Variants in DNM3 observed in about 807,000 individuals in gnomAD.
DNM3 encodes the protein dynamin-3.
In DNM3, 47 loss-of-function variants were observed where a neutral mutation model predicts 101.6. The ratio of observed to expected loss-of-function variants is 0.46; its 90% CI spans 0.37 to 0.59. The LOEUF (loss-of-function observed/expected upper bound fraction) is 0.59, where lower values mean the gene tolerates loss of function less well. Ranked by LOEUF, DNM3 falls within the 20% of genes least tolerant of loss-of-function variation. DNM3 has a pLI of 0.00. For missense variants in DNM3, 849 were observed against 1,085.7 expected, an observed-to-expected ratio of 0.78 and a Z score of 3.06; for synonymous variants, 385 against 387.9, an observed-to-expected ratio of 0.99 and a Z score of 0.09.
chr1:172,191,644 A>G (rs2059728161), intron 14 of DNM3, among the ~76,000 whole-genome samples: 1 of 152,202 alleles, frequency 6.6e-6, no homozygotes, highest in Non-Finnish European at 1.5e-5. Context: ...CTTGCTATCC[A>G]TGAGCATGGA....
intron 10 of DNM3, among the ~76,000 whole-genome samples, chr1:172,068,451 C>T (rs1424095296): frequency 3.9e-5 from 6 of 152,198 alleles, no homozygotes; most frequent in African/African-American, 1.4e-4. Context: ...ACGTGGTAGA[C>T]ACTATATAAA....
In DNM3 at chr1:171,949,233, T is replaced by C. The variant is rs150186535; in HGVS notation, c.235+27412T>C. ...TTCTAGTTTAAGCTCAGTATATAAATAGAAATGTTAGGCCTGGGTTCTTCC... is the reference window on the plus strand; with the variant it reads ...TTCTAGTTTAAGCTCAGTATATAAACAGAAATGTTAGGCCTGGGTTCTTCC... On this transcript the variant is annotated intron_variant, in intron 2 of 20. Coordinates refer to ENST00000627582, the MANE Select transcript of DNM3 (RefSeq NM_015569.5). Among the ~76,000 whole-genome samples, 56 of 152,264 alleles carry C rather than the reference T, an allele frequency of 3.7e-4. No homozygotes were observed. The East Asian group carries it at 0.01, about 28-fold the overall frequency.
At chr1:172,032,664 T>C (rs2048701964) in intron 5 of DNM3, among the ~76,000 whole-genome samples, 164 bp downstream of exon 5, 1 of 151,196 alleles carries the variant, frequency 6.6e-6, no homozygotes, top group Non-Finnish European at 1.5e-5. Context: ...GGAATGGCTG[T>C]ATGTTCCCAA....
intron 1 of DNM3, among the ~76,000 whole-genome samples, chr1:171,887,525 T>C (rs978392506): frequency 6.6e-6 from 1 of 152,240 alleles, no homozygotes; most frequent in African/African-American, 2.4e-5. Context: ...TTTGACTTTG[T>C]TATTGCCAGG....
chr1:172,158,336 A>T (rs1169323743), intron 14 of DNM3, among the ~76,000 whole-genome samples: 1 of 152,050 alleles, frequency 6.6e-6, no homozygotes, highest in African/African-American at 2.4e-5. Flanking sequence ...GGGATCAGGA[A>T]TGTACCAGTG....
chr1:172,362,403 G>A (rs2067787972), intron 17 of DNM3, among the ~76,000 whole-genome samples: 2 of 151,884 alleles, frequency 1.3e-5, no homozygotes, highest in Non-Finnish European at 2.9e-5. Context: ...GGGGCAACAT[G>A]GCTAAAGGCA....
At chr1:172,364,909 T>C (rs1239569713) in intron 17 of DNM3, among the ~76,000 whole-genome samples, 2 of 151,920 alleles carry the variant, frequency 1.3e-5, no homozygotes, top group Non-Finnish European at 2.9e-5. Context: ...GTAAGTTTCT[T>C]GAAGCCTCCC....
chr1:172,040,702 G>A (rs2049313851), intron 7 of DNM3, among the ~76,000 whole-genome samples: 1 of 152,136 alleles, frequency 6.6e-6, no homozygotes, highest in Non-Finnish European at 1.5e-5. Flanking sequence ...TGCAGAGGAG[G>A]GGCGATGAGG....
intron 1 of DNM3, among the ~76,000 whole-genome samples, chr1:171,849,128 A>G (rs1290848143): frequency 6.6e-6 from 1 of 152,206 alleles, no homozygotes; most frequent in Non-Finnish European, 1.5e-5. Flanking sequence ...TCTATTTGAT[A>G]AGTAATTTGA....
chr1:172,189,206 C>T (rs2059621830), intron 14 of DNM3, among the ~76,000 whole-genome samples: 1 of 151,894 alleles, frequency 6.6e-6, no homozygotes, highest in African/African-American at 2.4e-5. Flanking sequence ...TTATGTTGTT[C>T]CGTTGATCTG....
At chr1:172,307,879 G>A (rs1210215607) in intron 15 of DNM3, among the ~76,000 whole-genome samples, 2 of 152,068 alleles carry the variant, frequency 1.3e-5, no homozygotes, top group Non-Finnish European at 2.9e-5. Flanking sequence ...TCATAGGGTG[G>A]GGGCTGGGGG....
At chr1:171,968,451 G>A (rs985958649) in intron 2 of DNM3, among the ~76,000 whole-genome samples, 3 of 152,058 alleles carry the variant, frequency 2.0e-5, no homozygotes, top group South Asian at 2.1e-4. Context: ...AGGCAGAAAC[G>A]GAAAACCAAA....
At chr1:172,340,811 T>G (rs1436650858) in intron 17 of DNM3, among the ~76,000 whole-genome samples, 1 of 152,164 alleles carries the variant, frequency 6.6e-6, no homozygotes, top group Non-Finnish European at 1.5e-5. Context: ...TCTTGCCTGA[T>G]AGCTCTGGCC....
intron 11 of DNM3, among the ~76,000 whole-genome samples, chr1:172,080,487 A>G (rs2053051112): frequency 6.6e-6 from 1 of 152,148 alleles, no homozygotes; most frequent in Non-Finnish European, 1.5e-5. Flanking sequence ...ACCAAGCTAG[A>G]GCATCCTAGG....
chr1:171,898,703 T>TAGAGAGAG (rs141037836), intron 1 of DNM3, among the ~76,000 whole-genome samples: 3 of 127,628 alleles, frequency 2.4e-5, no homozygotes, highest in East Asian at 2.1e-4. Flanking sequence ...CATATATATA[T>TAGAGAGAG]ATAGAGAGAG....
chr1:172,315,567 A>T (rs980528311), intron 16 of DNM3, among the ~76,000 whole-genome samples: 1 of 152,248 alleles, frequency 6.6e-6, no homozygotes, highest in African/African-American at 2.4e-5. Flanking sequence ...CTGAAAGCCA[A>T]CGCTCGAGAA....
chr1:171,909,935 C>T lies in DNM3; in HGVS notation c.162-11813C>T, dbSNP rs117324218. 2.7e-3 allele frequency among the ~76,000 whole-genome samples: 415 copies of T among 152,186 alleles called. 3 individuals carry two copies. In the East Asian group the frequency reaches 0.035, roughly 13 times the overall value. On this transcript the variant is annotated intron_variant, in intron 1 of 20. Transcript: ENST00000627582. The stretch of plus-strand genomic sequence containing the variant: ...GTGGCTAGAAATAACACTTGCCACA[C>T]GCTTGTGGAATACTCTGGATGCCAG...
At chr1:172,289,585 T>C (rs1030694423) in intron 15 of DNM3, 18 of 957,462 alleles carry the variant, frequency 1.9e-5, no homozygotes, top group Non-Finnish European at 2.2e-5. Context: ...CTTGACTTTA[T>C]AAAATATTAT....
intron 17 of DNM3, among the ~76,000 whole-genome samples, chr1:172,334,177 A>T (rs544556841): frequency 6.6e-6 from 1 of 152,184 alleles, no homozygotes; most frequent in African/African-American, 2.4e-5. Context: ...CAACAAACCC[A>T]TCATAAATAG....
Sources: gnomAD v4.1 joint callset for allele counts (sites outside exome capture counted in the v4.1 genomes callset) on GRCh38, gnomAD v4.1.1 for gene constraint, MANE v1.5 for transcripts, NCBI Gene and HGNC (gene_info 2026-07-23, HGNC 2026-07-21) for gene names.